The following BNC2 variants were observed in gnomAD, a reference collection of about 807,000 sequenced individuals.
The protein encoded by BNC2 is zinc finger protein basonuclin-2.
BNC2 carries 20 observed loss-of-function variants against 76.3 expected under a neutral mutation model. The ratio of observed to expected loss-of-function variants is 0.26; its 90% CI spans 0.18 to 0.38. BNC2 has a LOEUF of 0.38. Ranked by LOEUF, BNC2 falls within the 10% of genes least tolerant of loss-of-function variation. The pLI is 1.00. For synonymous variants in BNC2, 582 were observed against 514.8 expected, an observed-to-expected ratio of 1.13 and a Z score of -1.77; for missense variants, 1,382 against 1,399.8, an observed-to-expected ratio of 0.99 and a Z score of 0.20.
At chr9:16,688,922 G>A (rs1331311077) in intron 3 of BNC2, among the ~76,000 whole-genome samples, 1 of 152,088 alleles carries the variant, frequency 6.6e-6, no homozygotes, top group Non-Finnish European at 1.5e-5. Context: ...GTGTGTGAGA[G>A]AGCTATTTAC....
intron 3 of BNC2, among the ~76,000 whole-genome samples, chr9:16,720,697 T>C (rs1824130787): frequency 6.6e-6 from 1 of 152,242 alleles, no homozygotes; most frequent in South Asian, 2.1e-4. Context: ...TCAATTCTTT[T>C]TTTTAATCGG....
At chr9:16,870,618 AAG>A (rs1406923839) in intron 1 of BNC2, 26 bp downstream of exon 1, 1 of 1,609,704 alleles carries the variant, frequency 6.2e-7, no homozygotes, top group Non-Finnish European at 8.5e-7. Context: ...TCTAGAATAA[AAG>A]AGGAAGGAGG....
At chr9:16,584,141 G>A (rs1819704165) in intron 3 of BNC2, among the ~76,000 whole-genome samples, 1 of 152,136 alleles carries the variant, frequency 6.6e-6, no homozygotes, top group Admixed American at 6.6e-5. Flanking sequence ...TGAACTGCCA[G>A]GAAAAGATCT....
intron 3 of BNC2, among the ~76,000 whole-genome samples, chr9:16,644,156 T>C (rs1343674145): frequency 2.0e-5 from 3 of 152,168 alleles, no homozygotes. Context: ...AAGTTTCCTA[T>C]ACATACCAAA....
chr9:16,488,823 G>C (rs1381833533), intron 5 of BNC2, among the ~76,000 whole-genome samples: 1 of 151,598 alleles, frequency 6.6e-6, no homozygotes, highest in African/African-American at 2.4e-5. Flanking sequence ...AAGGATAAAG[G>C]CTTCTTTTAG....
At chr9:16,639,877 G>A (rs1486791798) in intron 3 of BNC2, among the ~76,000 whole-genome samples, 2 of 151,864 alleles carry the variant, frequency 1.3e-5, no homozygotes, top group African/African-American at 4.8e-5. Flanking sequence ...AGCTATGATC[G>A]CACCACTACA....
chr9:16,681,817 T>C (rs191365127), intron 3 of BNC2, among the ~76,000 whole-genome samples: 2 of 152,262 alleles, frequency 1.3e-5, no homozygotes, highest in Admixed American at 6.5e-5. Flanking sequence ...GCCTGGTACT[T>C]TGGGCAGGAA....
chr9:16,656,578 T>C (rs1250088701), intron 3 of BNC2, among the ~76,000 whole-genome samples: 1 of 152,212 alleles, frequency 6.6e-6, no homozygotes, highest in Non-Finnish European at 1.5e-5. Context: ...TGGATATATG[T>C]ATGCATTCAT....
chr9:16,845,531 C>A (rs541054804), intron 1 of BNC2, among the ~76,000 whole-genome samples: 53 of 151,908 alleles, frequency 3.5e-4, no homozygotes, highest in South Asian at 1.2e-3. Context: ...ACCATCCTGG[C>A]TAACACAGTG....
At chr9:16,578,399 C>A (rs959421013) in intron 4 of BNC2, among the ~76,000 whole-genome samples, 1 of 152,102 alleles carries the variant, frequency 6.6e-6, no homozygotes, top group Non-Finnish European at 1.5e-5. Flanking sequence ...GTGCAGCAGT[C>A]CTCAACCTTT....
At chr9:16,425,036 A>G (rs1820778101) in intron 6 of BNC2, among the ~76,000 whole-genome samples, 1 of 152,198 alleles carries the variant, frequency 6.6e-6, no homozygotes, top group African/African-American at 2.4e-5. Flanking sequence ...AAGAAAATTC[A>G]ATGTGAAATT....
intron 1 of BNC2, among the ~76,000 whole-genome samples, chr9:16,757,327 A>C (rs1825414395): frequency 6.6e-6 from 1 of 152,180 alleles, no homozygotes; most frequent in African/African-American, 2.4e-5. Flanking sequence ...TCATTTTCTA[A>C]CTAAATAGGA....
At chr9:16,812,247 G>T (rs1267992126) in intron 1 of BNC2, among the ~76,000 whole-genome samples, 1 of 152,210 alleles carries the variant, frequency 6.6e-6, no homozygotes, top group Non-Finnish European at 1.5e-5. Flanking sequence ...TTGGAGGTTG[G>T]TGGTGCTTGC....
chr9:16,694,825 G>A (rs1374040769), intron 3 of BNC2, among the ~76,000 whole-genome samples: 1 of 152,076 alleles, frequency 6.6e-6, no homozygotes, highest in Non-Finnish European at 1.5e-5. Flanking sequence ...AGACTAAAAA[G>A]AGAAAAATGT....
At chr9:16,438,801 T>C (rs900503011) in intron 5 of BNC2, among the ~76,000 whole-genome samples, 7 of 152,128 alleles carry the variant, frequency 4.6e-5, no homozygotes, top group Non-Finnish European at 5.9e-5. Context: ...TGATCGACGT[T>C]ACCACCGTGA....
intron 1 of BNC2, among the ~76,000 whole-genome samples, chr9:16,772,266 T>C (rs1359468546): frequency 1.3e-5 from 2 of 152,150 alleles, no homozygotes; most frequent in South Asian, 2.1e-4. Context: ...AAAAATAAAC[T>C]GTGAGCCAGT....
At chr9:16,542,047 A>T (rs1017969878) in intron 5 of BNC2, among the ~76,000 whole-genome samples, 2 of 152,198 alleles carry the variant, frequency 1.3e-5, no homozygotes, top group African/African-American at 2.4e-5. Context: ...ATAAAAATAG[A>T]AAATACAGTA....
At chr9:16,764,637 C>T (rs1363036176) in intron 1 of BNC2, among the ~76,000 whole-genome samples, 1 of 152,044 alleles carries the variant, frequency 6.6e-6, no homozygotes. Context: ...ATAATTATAG[C>T]TCACATTTCC....
At chr9:16,501,285 C>T (rs1458740823) in intron 5 of BNC2, among the ~76,000 whole-genome samples, 4 of 152,122 alleles carry the variant, frequency 2.6e-5, no homozygotes, top group African/African-American at 9.7e-5. Context: ...TAATGCTTAA[C>T]ATTTTCACCA....
Sources: gnomAD v4.1 joint callset for allele counts (sites outside exome capture counted in the v4.1 genomes callset) on GRCh38, gnomAD v4.1.1 for gene constraint, MANE v1.5 for transcripts, NCBI Gene and HGNC (gene_info 2026-07-23, HGNC 2026-07-21) for gene names.